The following CPSF2 variants were observed in gnomAD, a reference collection of about 807,000 sequenced individuals.
CPSF2 encodes the protein cleavage and polyadenylation specificity factor subunit 2.
In CPSF2, 51 loss-of-function variants were observed where a neutral mutation model predicts 84.2. The ratio of observed to expected loss-of-function variants is 0.61; its 90% confidence interval spans 0.48 to 0.77. The LOEUF (loss-of-function observed/expected upper bound fraction) is 0.77, where lower values mean the gene tolerates loss of function less well. Ranked by LOEUF, CPSF2 falls within the 30% of genes least tolerant of loss-of-function variation. The probability of loss-of-function intolerance (pLI) is 0.00; values close to 1 mark genes in which losing one functional copy is unlikely to be tolerated. For missense variants in CPSF2, 641 were observed against 929.4 expected (o/e 0.69, Z 4.03); for synonymous variants, 286 against 311.9 (o/e 0.92, Z 0.87).
At chr14:92,145,057 A>G (rs950960882) in intron 9 of CPSF2, among the ~76,000 whole-genome samples, 5 of 152,224 alleles carry the variant, frequency 3.3e-5, no homozygotes, top group African/African-American at 1.2e-4. Flanking sequence ...CATCAAATCT[A>G]TCGATTTTTC....
chr14:92,156,781 T>G (rs1028585228), intron 12 of CPSF2, 150 bp downstream of exon 12: 9 of 520,294 alleles, frequency 1.7e-5, no homozygotes, highest in Middle Eastern at 1.0e-3. Context: ...AAGAGACTTG[T>G]GAAGTATGGT....
intron 9 of CPSF2, among the ~76,000 whole-genome samples, chr14:92,150,108 C>T (rs2069193562): frequency 2.0e-5 from 3 of 147,630 alleles, no homozygotes; most frequent in African/African-American, 7.6e-5. Context: ...TTTCTGGGAA[C>T]ACCTTTTTTT....
At chr14:92,128,444 C>G (rs1389896310) in intron 2 of CPSF2, among the ~76,000 whole-genome samples, 1 of 152,180 alleles carries the variant, frequency 6.6e-6, no homozygotes, top group African/African-American at 2.4e-5. Context: ...GATCGTGACA[C>G]TGCACTCCAG....
chr14:92,162,334 C>G lies in CPSF2; in HGVS notation c.*590C>G, dbSNP rs2069386071. 6.6e-6 allele frequency: 1 copy of G among 152,520 alleles called. No individual in the cohort carries two copies. The highest frequency in any genetic ancestry group is 6.6e-5 in the Admixed American group (1 of 15,264). 9.4% of individuals were successfully genotyped at this position (152,520 alleles called of 1,614,324 possible). ...AGGGTAAGGTAGTACACATTTGGTT[C>G]AGAAATTAATTTTTATTTCTCCTAT... On this transcript the variant is annotated 3_prime_UTR_variant, in exon 16 of 16. Transcript: ENST00000298875.
chr14:92,122,490 TGCTCG>T (rs2068784761), intron 1 of CPSF2: 1 of 158,154 alleles, frequency 6.3e-6, no homozygotes, highest in South Asian at 1.8e-4. Context: ...TAGCCTCCCC[TGCTCG>T]GGCTCTTCCC....
intron 9 of CPSF2, among the ~76,000 whole-genome samples, chr14:92,145,235 A>G (rs1296199606): frequency 6.6e-6 from 1 of 152,170 alleles, no homozygotes; most frequent in Non-Finnish European, 1.5e-5. Context: ...TGTAGCACTC[A>G]TATAATTATT....
At chr14:92,144,945 T>A (rs2069124326) in intron 9 of CPSF2, among the ~76,000 whole-genome samples, 1 of 152,230 alleles carries the variant, frequency 6.6e-6, no homozygotes, top group Admixed American at 6.5e-5. Flanking sequence ...ATGTACTAAC[T>A]TGATTCTGCA....
chr14:92,133,942 A>G, intron 3 of CPSF2, 69 bp from the exon 4 acceptor site: 2 of 1,518,854 alleles, frequency 1.3e-6, no homozygotes, highest in Admixed American at 1.8e-5. Flanking sequence ...ATTGGTGAAT[A>G]ATTTTGAATA....
chr14:92,134,076 C>T lies in CPSF2; in HGVS notation c.215C>T (p.Pro72Leu), dbSNP rs372145276. ...GATCCTCTCCACCTTGGTGCCCTCC[C>T]GTATGCTGTCGGAAAGTTGGGTCTG... is the stretch of plus-strand genomic sequence containing the variant. Reference protein sequence around the residue: ...HPDPLHLGALPYAVGKLGLNC... With the variant: ...HPDPLHLGALLYAVGKLGLNC... The change falls in exon 4 of 16, where the codon CCG (proline) becomes CTG (leucine). Residue 72 changes from proline (P) to leucine (L), a missense_variant. Physicochemically the swap from Pro to Leu is moderately conservative, Grantham distance 98. Coordinates refer to ENST00000298875, the MANE Select transcript of CPSF2 (RefSeq NM_017437.3). 4 of 1,614,012 alleles carry T rather than the reference C, an allele frequency of 2.5e-6. No homozygotes were observed. Among genetic ancestry groups the T allele is most frequent in the East Asian group, 4.5e-5 (2 of 44,894 alleles).
Position 92,156,498 on chromosome 14 carries a change from C to T in CPSF2, c.1462C>T (p.Pro488Ser). ...EIIKPEDFLV[P>S]ELQATEEEKS... ...ATTTAGACCAGAGGATTTCTTAGTG[C>T]CAGAGCTTCAAGCTACTGAAGAAGA... Residue 488 changes from proline to serine, a missense_variant, in exon 12 of 16, where the codon CCA becomes TCA. Pro to Ser is a moderately conservative substitution (Grantham distance 74, BLOSUM62 -1). Around this residue, in one of 2 missense-constraint regions of CPSF2, gnomAD observed 430 missense variants for 553.6 expected, o/e 0.78. Transcript: ENST00000298875. The T allele has an allele frequency of 6.2e-7, 1 of 1,611,016 alleles. No homozygotes were observed. Among genetic ancestry groups the T allele is most frequent in the Non-Finnish European group, 8.5e-7 (1 of 1,179,098 alleles).
At chr14:92,139,333 C>T (rs1361926204) in intron 7 of CPSF2, among the ~76,000 whole-genome samples, 1 of 151,366 alleles carries the variant, frequency 6.6e-6, no homozygotes, top group African/African-American at 2.4e-5. Flanking sequence ...AGGAGAATGG[C>T]GTAAACCCGG....
Position 92,156,591 on chromosome 14 carries a change from C to A in CPSF2, c.1555C>A (p.Pro519Thr). ...EPMDQDLSDV[P>T]TKCISTTESI... ...TATGGATCAGGATTTATCTGATGTT[C>A]CTACTAAATGTATTTCTACAACAGA... The change falls in exon 12 of 16, where the codon CCT (proline) becomes ACT (threonine). Residue 519 changes from proline to threonine, a missense_variant. Transcript: ENST00000298875. The A allele has an allele frequency of 6.2e-7, 1 of 1,606,890 alleles. No individual in the cohort carries two copies. Among genetic ancestry groups the A allele is most frequent in the South Asian group, 1.1e-5 (1 of 90,442 alleles).
chr14:92,130,911 G>C (rs2068916460), intron 2 of CPSF2, 40 bp from the exon 3 acceptor site: 1 of 1,275,156 alleles, frequency 7.8e-7, no homozygotes, highest in Non-Finnish European at 1.1e-6. Flanking sequence ...ATGCCAGACT[G>C]TGCTTTTATG....
At chr14:92,158,094 G>C (rs1162272932) in intron 13 of CPSF2, among the ~76,000 whole-genome samples, 1 of 152,158 alleles carries the variant, frequency 6.6e-6, no homozygotes, top group Non-Finnish European at 1.5e-5. Flanking sequence ...TGCTATGAGA[G>C]TATCAAGAGG....
At position 92,143,298 on chromosome 14, in the gene CPSF2, A is replaced by G. The variant is rs2069103025; in HGVS notation, c.1140+4A>G. 6.3e-7 allele frequency: 1 copy of G among 1,578,832 alleles called. No homozygotes were observed. Among genetic ancestry groups the G allele is most frequent in the African/African-American group, 1.4e-5 (1 of 73,646 alleles). On this transcript the variant is annotated splice_donor_region_variant and intron_variant, in intron 9 of 15. Coordinates refer to ENST00000298875, the MANE Select transcript of CPSF2 (RefSeq NM_017437.3). ...TGAAAAAATTACAGAAATAGAGGTA[A>G]GCACTTGTATGTGAACTTTATCTTA...
chr14:92,134,279 C>G lies in CPSF2; in HGVS notation c.339C>G (p.Leu113=). 6.2e-7 allele frequency: 1 copy of G among 1,613,594 alleles called. No individual in the cohort carries two copies. The part of the protein sequence containing the change: ...QSRHNTEDFT[L]FTLDDVDAAF... ...GACACAATACAGAAGATTTTACACT[C>G]TTTACATTAGATGATGTGGATGCAG... The change falls in exon 5 of 16, where the codon CTC becomes CTG. Residue 113 remains leucine, a synonymous_variant. Coordinates refer to ENST00000298875, the MANE Select transcript of CPSF2 (RefSeq NM_017437.3).
At position 92,170,675 on chromosome 14, in the gene CPSF2, CA is replaced by C. The variant is rs2069506354; in HGVS notation, c.*8932del. The stretch of plus-strand genomic sequence containing the variant: ...CTTGACATTTTTGAAGAATGCAGGC[CA>C]GGTACTTTGTAGAATGATGTGCACT... On this transcript the variant is annotated 3_prime_UTR_variant, in exon 16 of 16. Transcript: ENST00000298875. 6.6e-6 allele frequency: 1 copy of C among 152,102 alleles called. No individual in the cohort carries two copies. The highest frequency in any genetic ancestry group is 2.4e-5 in the African/African-American group (1 of 41,418). 9.4% of individuals were successfully genotyped at this position (152,102 alleles called of 1,614,324 possible).
intron 9 of CPSF2, among the ~76,000 whole-genome samples, chr14:92,150,533 CCCT>C (rs2069201759): frequency 6.6e-6 from 1 of 150,862 alleles, no homozygotes; most frequent in African/African-American, 2.4e-5. Flanking sequence ...GTTCATGTGA[CCCT>C]CCTGCCTCAG....
rs979111607 is a variant in CPSF2, at chr14:92,169,643, T to C, written c.*7899T>C. The C allele has an allele frequency of 2.0e-4, 28 of 141,272 alleles. No homozygotes were observed. Among genetic ancestry groups the C allele is most frequent in the Admixed American group, 1.5e-4 (2 of 13,192 alleles). 8.8% of individuals were successfully genotyped at this position (141,272 alleles called of 1,614,324 possible). A position where few individuals can be genotyped will look rare whatever the true frequency, so the allele number is the denominator to read the frequency against. The stretch of plus-strand genomic sequence containing the variant: ...ATTCAAATTCTTAAGGTTTTTCTTA[T>C]ATGTGATTTTTTTTTTTTTTTTTTT... On this transcript the variant is annotated 3_prime_UTR_variant, in exon 16 of 16. Coordinates refer to ENST00000298875, the MANE Select transcript of CPSF2 (RefSeq NM_017437.3).
Sources: gnomAD v4.1 joint callset for allele counts (sites outside exome capture counted in the v4.1 genomes callset) on GRCh38, gnomAD v4.1.1 for gene constraint, gnomAD v4.1.1 regional missense constraint, MANE v1.5 for transcripts, NCBI Gene and HGNC (gene_info 2026-07-23, HGNC 2026-07-21) for gene names.